The following NODAL variants were observed in gnomAD, a reference collection of about 807,000 sequenced individuals.
The protein encoded by NODAL is nodal homolog.
NODAL carries 12 observed loss-of-function variants against 34.0 expected under a neutral mutation model. The ratio of observed to expected loss-of-function variants is 0.35; its 90% CI spans 0.23 to 0.57. The LOEUF is 0.57. Among genes scored for constraint, NODAL ranks in the 20% least tolerant of loss-of-function variants. NODAL has a pLI of 0.83. For synonymous variants in NODAL, 162 were observed against 186.4 expected (o/e 0.87, Z 1.07); for missense variants, 390 against 444.2 (o/e 0.88, Z 1.10).
chr10:70,443,807 C>G (rs1223947639), upstream of NODAL, among the ~76,000 whole-genome samples: 5 of 151,878 alleles, frequency 3.3e-5, no homozygotes, highest in Admixed American at 3.3e-4. Flanking sequence ...CCATTGCACT[C>G]CAGCCTGGGC....
upstream of NODAL, among the ~76,000 whole-genome samples, chr10:70,443,847 TA>T (rs980282599): frequency 6.2e-5 from 9 of 144,700 alleles, no homozygotes; most frequent in East Asian, 2.0e-4. Flanking sequence ...CTCAAAAAAA[TA>T]AAAAAAAAAT....
intron 1 of NODAL, among the ~76,000 whole-genome samples, chr10:70,438,504 A>G (rs1185502414): frequency 6.6e-6 from 1 of 152,156 alleles, no homozygotes; most frequent in Non-Finnish European, 1.5e-5. Context: ...GGGTGTTAGG[A>G]TTAACTGAGA....
rs141161785 is a variant in NODAL, at chr10:70,433,637, C to CCT, written c.892-551_892-550dup. 2.8e-3 allele frequency among the ~76,000 whole-genome samples: 422 copies of CCT among 152,138 alleles called. 12 individuals are homozygous for CCT. In the East Asian group the frequency reaches 0.059, roughly 21 times the overall value. The stretch of plus-strand genomic sequence containing the variant: ...GGCATGTTGCCCAGGCTGGTCTTGA[C>CCT]CTCCTGGGCTCAAGCGATCCACCCA... On this transcript the variant is annotated intron_variant, in intron 2 of 2. Coordinates refer to ENST00000287139, the MANE Select transcript of NODAL (RefSeq NM_018055.5).
chr10:70,444,423 G>C (rs925651591), upstream of NODAL, among the ~76,000 whole-genome samples: 3 of 151,576 alleles, frequency 2.0e-5, no homozygotes, highest in Non-Finnish European at 2.9e-5. Context: ...TCTACCTCCT[G>C]GGTTCAAGTG....
In NODAL at chr10:70,435,935, AAGG is replaced by A. The variant is rs1383194917; in HGVS notation, c.239_241del (p.Ser80del). On this transcript the variant is annotated inframe_deletion, in exon 2 of 3. Coordinates refer to ENST00000287139, the MANE Select transcript of NODAL (RefSeq NM_018055.5). ...TGCCAGATCCTCTTGTTGGCTCAGGAAGGAGAAGTCAAAAGCAAACGTCCAGTT... is the reference window on the plus strand; with the variant it reads ...TGCCAGATCCTCTTGTTGGCTCAGGAAGAAGTCAAAAGCAAACGTCCAGTT... 8.7e-6 allele frequency: 14 copies of A among 1,614,030 alleles called. No homozygotes were observed. The highest frequency in any genetic ancestry group is 4.2e-6 in the Non-Finnish European group (5 of 1,180,040).
At chr10:70,435,018 AC>A (rs1276923670) in intron 2 of NODAL, 1 of 464,780 alleles carries the variant, frequency 2.2e-6, no homozygotes, top group East Asian at 4.1e-5. Context: ...GTCTACCCCC[AC>A]CCCCTAATTT....
upstream of NODAL, among the ~76,000 whole-genome samples, chr10:70,444,930 C>T (rs574409722): frequency 6.6e-6 from 1 of 152,248 alleles, no homozygotes; most frequent in Admixed American, 6.5e-5. Flanking sequence ...CAGAAGGCAC[C>T]CTCATCCAGG....
chr10:70,441,773 T>G, upstream of NODAL: 1 of 1,211,746 alleles, frequency 8.3e-7, no homozygotes, highest in Non-Finnish European at 1.2e-6. Context: ...TTTAAGATCA[T>G]ATAACCCCCC....
At chr10:70,441,793 T>TG (rs1168522919), upstream of NODAL, 18 of 1,021,722 alleles carry the variant, frequency 1.8e-5, no homozygotes, top group Non-Finnish European at 2.0e-5. Flanking sequence ...CTCCGGAGGG[T>TG]GGGGGGCAGA....
At chr10:70,433,166 A>G in intron 2 of NODAL, 78 bp from the exon 3 acceptor site, 1 of 1,561,304 alleles carries the variant, frequency 6.4e-7, no homozygotes, top group South Asian at 1.1e-5. Context: ...AAAGAGTAAA[A>G]AAGTTACGGA....
At chr10:70,447,947 T>C (rs1256534650) in exon 1 of NODAL, 1 of 471,148 alleles carries the variant, frequency 2.1e-6, no homozygotes. Flanking sequence ...CCCCAACTGT[T>C]GGTCTTGGAG....
chr10:70,440,544 G>T (rs1297612672), intron 1 of NODAL, among the ~76,000 whole-genome samples: 1 of 152,150 alleles, frequency 6.6e-6, no homozygotes, highest in Non-Finnish European at 1.5e-5. Context: ...AGGGAGGGCC[G>T]TCTGGCCCCC....
At chr10:70,441,778 C>A, upstream of NODAL, 3 of 1,168,562 alleles carry the variant, frequency 2.6e-6, no homozygotes, top group South Asian at 1.4e-5. Flanking sequence ...GATCATATAA[C>A]CCCCCTCCGG....
At chr10:70,441,379 AG>A in intron 1 of NODAL, 95 bp downstream of exon 1, 1 of 1,386,268 alleles carries the variant, frequency 7.2e-7, no homozygotes. Flanking sequence ...TCGGAGCCGC[AG>A]CCCCCAACCC....
upstream of NODAL, among the ~76,000 whole-genome samples, chr10:70,442,963 T>G (rs1845448873): frequency 6.6e-6 from 1 of 152,108 alleles, no homozygotes; most frequent in African/African-American, 2.4e-5. Context: ...GGTGTGCGCC[T>G]GTAGTCCCAG....
chr10:70,440,373 G>T (rs1358987529), intron 1 of NODAL, among the ~76,000 whole-genome samples: 1 of 152,200 alleles, frequency 6.6e-6, no homozygotes, highest in East Asian at 1.9e-4. Flanking sequence ...GCCCCCGAGG[G>T]TGTCCCCTGG....
chr10:70,437,890 G>T (rs1273425052), intron 1 of NODAL, among the ~76,000 whole-genome samples: 1 of 152,036 alleles, frequency 6.6e-6, no homozygotes, highest in African/African-American at 2.4e-5. Flanking sequence ...GGCAATAACC[G>T]GCCCCTGACT....
chr10:70,441,265 G>C (rs1253089698), intron 1 of NODAL, among the ~76,000 whole-genome samples: 2 of 152,240 alleles, frequency 1.3e-5, no homozygotes, highest in Admixed American at 6.5e-5. Flanking sequence ...CTCGGCCGTG[G>C]ATACGCCCCC....
chr10:70,436,903 T>G (rs1439835439), intron 1 of NODAL, among the ~76,000 whole-genome samples: 1 of 152,122 alleles, frequency 6.6e-6, no homozygotes, highest in African/African-American at 2.4e-5. Context: ...CCAAAGAAAT[T>G]CACTTTCTCT....
Sources: gnomAD v4.1 joint callset for allele counts (sites outside exome capture counted in the v4.1 genomes callset) on GRCh38, gnomAD v4.1.1 for gene constraint, MANE v1.5 for transcripts, NCBI Gene and HGNC (gene_info 2026-07-23, HGNC 2026-07-21) for gene names.